The following NGLY1 variants were observed in gnomAD, a reference collection of about 807,000 sequenced individuals.
NGLY1 encodes the protein N-glycanase 1.
NGLY1 carries 68 observed loss-of-function variants against 84.6 expected under a neutral mutation model. The ratio of observed to expected loss-of-function variants is 0.80; its 90% CI spans 0.66 to 0.98. The LOEUF (loss-of-function observed/expected upper bound fraction) is 0.98, where lower values mean the gene tolerates loss of function less well. Among genes scored for constraint, NGLY1 ranks in the 50% least tolerant of loss-of-function variants. The pLI, the probability that NGLY1 is intolerant of heterozygous loss-of-function variation, is 0.00. For synonymous variants in NGLY1, 280 were observed against 275.2 expected (o/e 1.02, Z -0.17); for missense variants, 779 against 770.2 (o/e 1.01, Z -0.14).
chr3:25,749,813 A>C, intron 4 of NGLY1: 3 of 1,250,640 alleles, frequency 2.4e-6, no homozygotes, highest in Non-Finnish European at 3.5e-6. Flanking sequence ...CAAGAACTGC[A>C]AAGCCATCAT....
rs529934098 is a variant in NGLY1, at chr3:25,778,763, A to G, written c.132-75T>C. On this transcript the variant is annotated intron_variant, in intron 1 of 11. Transcript: ENST00000280700. ...TTCTTCAAAGACTTTACTTTCAACAAACATGACCTAGGTATACCTTTATAG... is the reference window on the plus strand; with the variant it reads ...TTCTTCAAAGACTTTACTTTCAACAGACATGACCTAGGTATACCTTTATAG... 6.8e-5 allele frequency: 55 copies of G among 804,304 alleles called. No homozygotes were observed. In the African/African-American group the frequency reaches 9.1e-4, roughly 13 times the overall value. The allele number at this position is 804,304 out of a possible 1,614,324, so 49.8% of individuals were successfully genotyped here. A position where few individuals can be genotyped will look rare whatever the true frequency, so the allele number is the denominator to read the frequency against.
At chr3:25,765,831 C>T (rs909083796) in intron 2 of NGLY1, among the ~76,000 whole-genome samples, 4 of 151,942 alleles carry the variant, frequency 2.6e-5, no homozygotes, top group African/African-American at 9.7e-5. Context: ...CTCTTGGGCT[C>T]AAGCGATCTT....
intron 3 of NGLY1, among the ~76,000 whole-genome samples, chr3:25,760,344 T>C (rs1707248362): frequency 6.6e-6 from 1 of 152,222 alleles, no homozygotes; most frequent in Non-Finnish European, 1.5e-5. Flanking sequence ...ATATGTTGTT[T>C]AATTTTGGAA....
At chr3:25,772,209 C>T (rs1407734355) in intron 2 of NGLY1, among the ~76,000 whole-genome samples, 1 of 152,084 alleles carries the variant, frequency 6.6e-6, no homozygotes, top group African/African-American at 2.4e-5. Flanking sequence ...CCCTTCTATG[C>T]CAATTCTGCA....
At chr3:25,738,383 T>A (rs1214871760) in intron 5 of NGLY1, among the ~76,000 whole-genome samples, 2 of 152,184 alleles carry the variant, frequency 1.3e-5, no homozygotes, top group African/African-American at 4.8e-5. Context: ...GTTACTCCAA[T>A]TATAAAATTA....
intron 10 of NGLY1, among the ~76,000 whole-genome samples, chr3:25,725,835 G>A (rs1705228817): frequency 6.6e-6 from 1 of 152,030 alleles, no homozygotes. Context: ...GGTGTTAGTG[G>A]CTCTTGTTTC....
chr3:25,769,040 T>C (rs1707766212), intron 2 of NGLY1, among the ~76,000 whole-genome samples: 1 of 151,878 alleles, frequency 6.6e-6, no homozygotes, highest in African/African-American at 2.4e-5. Context: ...AACAACTTAA[T>C]AGCAAAAAAC....
At chr3:25,750,033 C>CA (rs1483183609) in intron 4 of NGLY1, 1 of 498,800 alleles carries the variant, frequency 2.0e-6, no homozygotes, top group African/African-American at 2.0e-5. Flanking sequence ...GAAATACCTG[C>CA]AACTGGGTAA....
chr3:25,770,244 G>A (rs972708012), intron 2 of NGLY1, among the ~76,000 whole-genome samples: 3 of 152,080 alleles, frequency 2.0e-5, no homozygotes, highest in Admixed American at 6.5e-5. Flanking sequence ...TCCGCCTCCC[G>A]GGTTCTAGTG....
At chr3:25,733,330 G>A (rs1259845892) in intron 8 of NGLY1, among the ~76,000 whole-genome samples, 1 of 152,056 alleles carries the variant, frequency 6.6e-6, no homozygotes, top group Non-Finnish European at 1.5e-5. Context: ...CATGTATAGA[G>A]TTAAAAATTT....
At chr3:25,789,906 G>A (rs1708685897) in exon 1 of NGLY1, 2 of 1,551,616 alleles carry the variant, frequency 1.3e-6, no homozygotes, top group Non-Finnish European at 1.7e-6. Context: ...GAGTCACTGA[G>A]GTTCCGAGAG....
At chr3:25,753,424 A>T (rs970029618) in intron 3 of NGLY1, among the ~76,000 whole-genome samples, 8 of 152,272 alleles carry the variant, frequency 5.3e-5, no homozygotes, top group East Asian at 1.9e-4. Flanking sequence ...AGCCAAAAAA[A>T]ATATAGCTTA....
intron 4 of NGLY1, among the ~76,000 whole-genome samples, chr3:25,741,979 C>T (rs530006152): frequency 4.6e-5 from 7 of 152,086 alleles, no homozygotes; most frequent in East Asian, 1.9e-4. Flanking sequence ...CCAATCTGGG[C>T]GACAACAGCA....
intron 3 of NGLY1, among the ~76,000 whole-genome samples, chr3:25,761,645 G>A (rs537458910): frequency 6.6e-6 from 1 of 152,172 alleles, no homozygotes; most frequent in East Asian, 1.9e-4. Flanking sequence ...AAAACAGCTT[G>A]GTAATTTCTT....
Position 25,783,142 on chromosome 3 carries a change from G to T in NGLY1, c.131+118C>A. 3.2e-6 allele frequency: 3 copies of T among 943,026 alleles called. No homozygotes were observed. The highest frequency in any genetic ancestry group is 3.2e-6 in the Non-Finnish European group (2 of 633,118). 58.4% of individuals were successfully genotyped at this position (943,026 alleles called of 1,614,324 possible). On this transcript the variant is annotated intron_variant, in intron 1 of 11. Coordinates refer to ENST00000280700, the MANE Select transcript of NGLY1 (RefSeq NM_018297.4). The surrounding 1 kb of genome is among the most constrained non-coding windows in gnomAD (Gnocchi z 4.5). ...AGGAGCAGAACCAGCTCCAGGTCCC[G>T]GTCTGTCCGGGCGTCGCTGCCCTCT...
intron 3 of NGLY1, chr3:25,755,491 C>A: frequency 6.8e-7 from 1 of 1,459,880 alleles, no homozygotes; most frequent in Non-Finnish European, 9.6e-7. Context: ...ATTCCACCTT[C>A]TCGGTCCACA....
chr3:25,783,407 G>T lies in NGLY1; in HGVS notation c.-17C>A, dbSNP rs1457703653. On this transcript the variant is annotated 5_prime_UTR_variant, in exon 1 of 12. Coordinates refer to ENST00000280700, the MANE Select transcript of NGLY1 (RefSeq NM_018297.4). This position sits in a 1 kb window ranked among gnomAD's most constrained non-coding sequence, Gnocchi z 4.5. The stretch of plus-strand genomic sequence containing the variant: ...CGCCGCCATGCTTGAGCGCCAGCGG[G>T]CGCCGCCGCCGCCCCTCGCTCTCCG... 1.3e-6 allele frequency: 2 copies of T among 1,522,682 alleles called. No individual in the cohort carries two copies. The highest frequency in any genetic ancestry group is 2.1e-5 in the Admixed American group (1 of 46,966). The allele number at this position is 1,522,682 out of a possible 1,614,324, so 94.3% of individuals were successfully genotyped here.
upstream of NGLY1, among the ~76,000 whole-genome samples, chr3:25,785,181 A>G (rs963479572): frequency 4.0e-5 from 6 of 150,624 alleles, no homozygotes; most frequent in African/African-American, 7.3e-5. Flanking sequence ...TTTTAACCAC[A>G]TGAGCCCAGA....
intron 1 of NGLY1, 104 bp from the exon 2 acceptor site, chr3:25,778,792 C>T (rs1708267756): frequency 1.9e-6 from 1 of 520,316 alleles, no homozygotes; most frequent in East Asian, 3.2e-5. Flanking sequence ...TTTATAGTCA[C>T]CTGATTTTCT....
Sources: allele counts gnomAD v4.1 joint callset (sites outside exome capture counted in the v4.1 genomes callset), GRCh38; gene constraint gnomAD v4.1.1; non-coding constraint Gnocchi (gnomAD v3.1); transcripts MANE v1.5; gene names NCBI Gene and HGNC (gene_info 2026-07-23, HGNC 2026-07-21).